The following SMCO4 variants were observed in gnomAD, a reference collection of about 807,000 sequenced individuals.
SMCO4 encodes single-pass membrane and coiled-coil domain-containing protein 4.
SMCO4 carries 4 observed loss-of-function variants against 3.6 expected under a neutral mutation model. That is an observed-to-expected ratio of 1.11 (90% confidence interval 0.54 to 2.53). SMCO4 has a LOEUF of 2.53. SMCO4 is among the 30% of genes most tolerant of loss of function. The probability of loss-of-function intolerance (pLI) is 0.02; values close to 1 mark genes in which losing one functional copy is unlikely to be tolerated. For missense variants in SMCO4, 70 were observed against 80.8 expected, an observed-to-expected ratio of 0.87 and a Z score of 0.51; for synonymous variants, 36 against 35.3, an observed-to-expected ratio of 1.02 and a Z score of -0.07.
At position 93,534,207 on chromosome 11, in the gene SMCO4, T is replaced by A. The variant is rs867796463; in HGVS notation, c.-154+9069A>T. Among the ~76,000 whole-genome samples, 242 of 84,758 alleles carry A rather than the reference T, an allele frequency of 2.9e-3. 7 individuals carry two copies. Among genetic ancestry groups the A allele is most frequent in the African/African-American group, 5.6e-3 (111 of 19,776 alleles). The allele number at this position is 84,758 out of a possible 152,430, so 55.6% of individuals were successfully genotyped here. ...CTCCGTCTCAAAAAAAAAAAAAAAA[T>A]ATATATATACACACACACACACACA... On this transcript the variant is annotated intron_variant, in intron 1 of 2. Transcript: ENST00000298966.
At position 93,518,969 on chromosome 11, in the gene SMCO4, C is replaced by T. The variant is rs191476655; in HGVS notation, c.-153-19621G>A. On this transcript the variant is annotated intron_variant, in intron 1 of 2. Transcript: ENST00000298966. ...CTTCTCTTTGGAAAGATACAAGTCT[C>T]TAATGTCAAAAAATGACAGCACTCT... 3.7e-4 allele frequency among the ~76,000 whole-genome samples: 56 copies of T among 152,332 alleles called. 1 individual carries two copies. The highest frequency in any genetic ancestry group is 1.3e-3 in the African/African-American group (54 of 41,572).
chr11:93,553,690 A>T, the SMCO4 span, among the ~76,000 whole-genome samples: 2 of 152,366 alleles, frequency 1.3e-5, no homozygotes, highest in East Asian at 3.9e-4. Flanking sequence ...ATACTTTAAT[A>T]TTTTAAAGCT....
At chr11:93,533,194 C>T (rs975115056) in intron 1 of SMCO4, among the ~76,000 whole-genome samples, 1 of 152,152 alleles carries the variant, frequency 6.6e-6, no homozygotes, top group African/African-American at 2.4e-5. Context: ...GAAAAACTAA[C>T]GACATACATG....
intron 2 of SMCO4, among the ~76,000 whole-genome samples, chr11:93,492,753 G>T (rs1411631257): frequency 2.0e-5 from 3 of 152,198 alleles, no homozygotes; most frequent in Admixed American, 2.0e-4. Context: ...AGAGCAGAAC[G>T]AGTTGATGAA....
At chr11:93,542,276 T>C (rs549936763) in intron 1 of SMCO4, among the ~76,000 whole-genome samples, 1 of 152,314 alleles carries the variant, frequency 6.6e-6, no homozygotes, top group South Asian at 2.1e-4. Context: ...CTCGAGGCTG[T>C]GAGCAGATGC....
intron 1 of SMCO4, among the ~76,000 whole-genome samples, chr11:93,534,261 CAA>C (rs1314547707): frequency 2.7e-4 from 36 of 135,024 alleles, no homozygotes; most frequent in East Asian, 1.1e-3. Context: ...CACACACACA[CAA>C]ACACATATAT....
At chr11:93,492,267 C>T (rs1948726401) in intron 2 of SMCO4, among the ~76,000 whole-genome samples, 1 of 152,188 alleles carries the variant, frequency 6.6e-6, no homozygotes, top group East Asian at 1.9e-4. Context: ...CTTTCAAACA[C>T]TTCCTGAGCA....
chr11:93,493,280 G>A (rs1384029517), intron 2 of SMCO4, among the ~76,000 whole-genome samples: 2 of 152,114 alleles, frequency 1.3e-5, no homozygotes, highest in Non-Finnish European at 2.9e-5. Context: ...GGTCCACTCA[G>A]GCCACCGTGG....
At chr11:93,505,890 ATGATG>A in intron 1 of SMCO4, among the ~76,000 whole-genome samples, 1 of 152,076 alleles carries the variant, frequency 6.6e-6, no homozygotes, top group Admixed American at 6.5e-5. Flanking sequence ...GATGATGATG[ATGATG>A]AAAATAGCTA....
intron 1 of SMCO4, among the ~76,000 whole-genome samples, chr11:93,513,530 C>T (rs1948977948): frequency 6.6e-6 from 1 of 152,096 alleles, no homozygotes; most frequent in Admixed American, 6.5e-5. Flanking sequence ...ATAGAGGTGC[C>T]AGGACTTGGT....
At chr11:93,545,588 CAAAAAAAA>C (rs143549634), upstream of SMCO4, among the ~76,000 whole-genome samples, 3 of 85,974 alleles carry the variant, frequency 3.5e-5, no homozygotes, top group African/African-American at 9.0e-5. Context: ...AACTCTGTCT[CAAAAAAAA>C]AAAAAAAAAA....
chr11:93,481,605 G>T, intron 2 of SMCO4: 1 of 797,534 alleles, frequency 1.3e-6, no homozygotes, highest in South Asian at 5.7e-5. Flanking sequence ...GGAAACCAAG[G>T]AGCAAAGGGG....
chr11:93,514,408 ATATATATATAT>A lies in SMCO4; in HGVS notation c.-153-15071_-153-15061del, dbSNP rs1565383078. On this transcript the variant is annotated intron_variant, in intron 1 of 2. Transcript: ENST00000298966. Reference sequence around the variant, plus strand: ...TATATATATATATATATATATATATATATATATATATATAAAATTTGGTCTCTTCCAAAGAT... The same window carrying A: ...TATATATATATATATATATATATATAATAAAATTTGGTCTCTTCCAAAGAT... 8.0e-3 allele frequency among the ~76,000 whole-genome samples: 232 copies of A among 28,832 alleles called. 2 individuals carry two copies. The highest frequency in any genetic ancestry group is 0.025 in the Middle Eastern group (2 of 80). The allele number at this position is 28,832 out of a possible 152,430, so 18.9% of individuals were successfully genotyped here. A position where few individuals can be genotyped will look rare whatever the true frequency, so the allele number is the denominator to read the frequency against.
chr11:93,514,304 A>G (rs1948984713), intron 1 of SMCO4, among the ~76,000 whole-genome samples: 1 of 146,666 alleles, frequency 6.8e-6, no homozygotes, highest in Admixed American at 6.8e-5. Context: ...TCATCAATAT[A>G]ATGATCAGAA....
At chr11:93,492,376 C>T (rs1948727321) in intron 2 of SMCO4, among the ~76,000 whole-genome samples, 1 of 152,110 alleles carries the variant, frequency 6.6e-6, no homozygotes, top group Non-Finnish European at 1.5e-5. Flanking sequence ...AAGGCAGACT[C>T]GATGTGCTGG....
rs113557225 is a variant in SMCO4 at position 93,498,484 on chromosome 11, C to T, written c.-81+792G>A. ...CCCACATGCAACCCCCACTCACACC[C>T]GCCACAAGCGGAGAAGGGGGCTGGG... On this transcript the variant is annotated intron_variant, in intron 2 of 2. Coordinates refer to ENST00000298966, the MANE Select transcript of SMCO4 (RefSeq NM_020179.3). Among the ~76,000 whole-genome samples the T allele has an allele frequency of 1.5e-3, 228 of 152,318 alleles. 1 individual carries two copies. The highest frequency in any genetic ancestry group is 5.3e-3 in the African/African-American group (219 of 41,574).
intron 1 of SMCO4, among the ~76,000 whole-genome samples, chr11:93,501,313 A>C (rs887652302): frequency 6.6e-6 from 1 of 152,232 alleles, no homozygotes; most frequent in African/African-American, 2.4e-5. Context: ...ACAGACTAGT[A>C]TATGAGTTTC....
intron 2 of SMCO4, among the ~76,000 whole-genome samples, chr11:93,492,966 A>C (rs1201751681): frequency 6.6e-6 from 1 of 152,216 alleles, no homozygotes; most frequent in Non-Finnish European, 1.5e-5. Flanking sequence ...ATGTTCTCCA[A>C]GGTCTCCTAA....
At chr11:93,531,034 T>C (rs1416326709) in intron 1 of SMCO4, among the ~76,000 whole-genome samples, 3 of 152,250 alleles carry the variant, frequency 2.0e-5, no homozygotes, top group Non-Finnish European at 4.4e-5. Context: ...TGTGTCAACT[T>C]GACTGGGCCA....
Sources: gnomAD v4.1 joint callset for allele counts (sites outside exome capture counted in the v4.1 genomes callset) on GRCh38, gnomAD v4.1.1 for gene constraint, MANE v1.5 for transcripts, NCBI Gene and HGNC (gene_info 2026-07-23, HGNC 2026-07-21) for gene names.